RNF212B: variants seen among roughly 807,000 people sequenced by gnomAD.
The protein encoded by RNF212B is ring finger protein 212B.
In RNF212B, 52 loss-of-function variants were observed where a neutral mutation model predicts 55.5. The observed-to-expected ratio is 0.94, with a 90% CI of 0.75 to 1.18. The LOEUF (loss-of-function observed/expected upper bound fraction) is 1.18. Among genes scored for constraint, RNF212B ranks in the 50% most tolerant of loss-of-function variants. The probability of loss-of-function intolerance (pLI) is 0.00; values close to 1 mark genes in which losing one functional copy is unlikely to be tolerated. For missense variants in RNF212B, 289 were observed against 350.4 expected (o/e 0.82, Z 1.40); for synonymous variants, 99 against 121.4 (o/e 0.82, Z 1.21).
intron 2 of RNF212B, among the ~76,000 whole-genome samples, chr14:23,207,430 C>T (rs755860710): frequency 1.3e-5 from 2 of 152,174 alleles, no homozygotes; most frequent in Non-Finnish European, 2.9e-5. Flanking sequence ...AGGAGGAAAA[C>T]TTGCCTTCCT....
intron 14 of RNF212B, 73 bp from the exon 15 acceptor site, chr14:23,272,750 C>T: frequency 2.2e-6 from 2 of 901,278 alleles, no homozygotes; most frequent in Non-Finnish European, 3.6e-6. Flanking sequence ...CTTCATACAA[C>T]AGGTCAGAGA....
At chr14:23,242,122 A>AAAGAAAAAGAAG (rs1566423321) in intron 2 of RNF212B, among the ~76,000 whole-genome samples, 3 of 151,574 alleles carry the variant, frequency 2.0e-5, no homozygotes, top group Non-Finnish European at 2.9e-5. Flanking sequence ...AGAAAAAGAA[A>AAAGAAAAAGAAG]AAGAAAAACC....
chr14:23,264,509 C>T lies in RNF212B; in HGVS notation c.586-114C>T, dbSNP rs116251303. 3.4e-3 allele frequency: 2,679 copies of T among 795,622 alleles called. 67 individuals are homozygous for T. The African/African-American group carries it at 0.042, about 12-fold the overall frequency. 49.3% of individuals were successfully genotyped at this position (795,622 alleles called of 1,614,324 possible). A position where few individuals can be genotyped will look rare whatever the true frequency, so the allele number is the denominator to read the frequency against. On this transcript the variant is annotated intron_variant, in intron 10 of 14. Transcript: ENST00000430154. The stretch of plus-strand genomic sequence containing the variant: ...TATGGATCTTTCTTTGACTAGTATG[C>T]CCACTGCAGTAGAACAATATATGCT...
intron 4 of RNF212B, 100 bp from the exon 5 acceptor site, chr14:23,258,449 C>A: frequency 2.1e-6 from 1 of 468,928 alleles, no homozygotes; most frequent in South Asian, 4.5e-5. Flanking sequence ...AGAAAATGAG[C>A]AGTATAATAA....
At chr14:23,199,385 CA>C (rs1879060819) in intron 2 of RNF212B, among the ~76,000 whole-genome samples, 1 of 152,122 alleles carries the variant, frequency 6.6e-6, no homozygotes, top group Non-Finnish European at 1.5e-5. Context: ...AGGAGGCAAT[CA>C]GATATGCATC....
At chr14:23,229,245 T>TACC (rs1380580188) in intron 2 of RNF212B, among the ~76,000 whole-genome samples, 1 of 96,132 alleles carries the variant, frequency 1.0e-5, no homozygotes, top group Non-Finnish European at 2.4e-5. Flanking sequence ...TATATATATA[T>TACC]ATATATATAT....
At chr14:23,265,436 T>G (rs1164368754) in intron 11 of RNF212B, among the ~76,000 whole-genome samples, 1 of 152,238 alleles carries the variant, frequency 6.6e-6, no homozygotes, top group Non-Finnish European at 1.5e-5. Flanking sequence ...TTAAAATTAT[T>G]ACTGTTGTTA....
intron 11 of RNF212B, among the ~76,000 whole-genome samples, chr14:23,266,144 C>T (rs988782911): frequency 4.6e-5 from 7 of 151,500 alleles, no homozygotes; most frequent in Non-Finnish European, 7.4e-5. Flanking sequence ...TTTTTAGTAG[C>T]GACGGGGTTT....
upstream of RNF212B, among the ~76,000 whole-genome samples, chr14:23,235,874 T>TAACC (rs1191195173): frequency 6.6e-5 from 10 of 152,350 alleles, no homozygotes; most frequent in Non-Finnish European, 1.3e-4. Flanking sequence ...AATTTTAATG[T>TAACC]AACCGGCTAT....
At chr14:23,228,060 G>A (rs969018055) in intron 2 of RNF212B, among the ~76,000 whole-genome samples, 19 of 151,212 alleles carry the variant, frequency 1.3e-4, no homozygotes, top group African/African-American at 3.2e-4. Context: ...GAGAAACCTC[G>A]TCTCTACTAA....
rs1161935758 is a variant in RNF212B, at chr14:23,237,944, TC to T, written c.-112del. On this transcript the variant is annotated 5_prime_UTR_variant, in exon 1 of 15. Coordinates refer to ENST00000430154, the MANE Select transcript of RNF212B (RefSeq NM_001282322.3). ...CCTCGGCTGCGCCCAGCCTCTTTCC[TC>T]ACCCGGTGCCAAGCCAGCTGTTTAC... Among the ~76,000 whole-genome samples, 1 of 152,192 alleles carries T rather than the reference TC, an allele frequency of 6.6e-6. No individual in the cohort carries two copies. Among genetic ancestry groups the T allele is most frequent in the Non-Finnish European group, 1.5e-5 (1 of 68,028 alleles).
intron 1 of RNF212B, among the ~76,000 whole-genome samples, chr14:23,189,572 G>A (rs1425646823): frequency 6.6e-6 from 1 of 152,100 alleles, no homozygotes; most frequent in Non-Finnish European, 1.5e-5. Context: ...GGAGGCCAAG[G>A]CGGGAGGATC....
rs182051665 is a variant in RNF212B, at chr14:23,232,158, G to A, written c.-1-8187G>A. Among the ~76,000 whole-genome samples the A allele has an allele frequency of 3.1e-3, 476 of 152,004 alleles. 5 individuals are homozygous for A. The highest frequency in any genetic ancestry group is 0.011 in the African/African-American group (447 of 41,436). ...CCGGCTGCCCACTCTGGGAAGTGAG[G>A]AGGGCCTCTTCCCCGCCGCCATCCC... is the stretch of plus-strand genomic sequence containing the variant. On this transcript the variant is annotated intron_variant, in intron 2 of 15. Coordinates refer to the RNF212B transcript ENST00000399910.
At chr14:23,189,127 T>A (rs571214452) in intron 1 of RNF212B, among the ~76,000 whole-genome samples, 3 of 152,308 alleles carry the variant, frequency 2.0e-5, no homozygotes, top group East Asian at 3.9e-4. Flanking sequence ...AATCTTGTAG[T>A]TAACTGACCT....
chr14:23,248,736 G>A (rs1884190389), intron 4 of RNF212B, among the ~76,000 whole-genome samples: 2 of 150,716 alleles, frequency 1.3e-5, no homozygotes, highest in Admixed American at 6.6e-5. Context: ...CATCACGCCC[G>A]GCCCCCAAGC....
rs184945634 is a variant in RNF212B at position 23,222,058 on chromosome 14, C to T, written c.-1-18287C>T. Among the ~76,000 whole-genome samples, 41 of 151,994 alleles carry T rather than the reference C, an allele frequency of 2.7e-4. 1 individual carries two copies. The East Asian group carries it at 7.7e-3, about 29-fold the overall frequency. On this transcript the variant is annotated intron_variant, in intron 2 of 15. Coordinates refer to the RNF212B transcript ENST00000399910. ...AGGAAGAAGAACTTCAAACAAATAA[C>T]CTAATGATTATCTTAAAGAATTAGA...
At position 23,244,330 on chromosome 14, in the gene RNF212B, T is replaced by A. The variant is rs2140442312; in HGVS notation, c.162T>A (p.Pro54=). ...TATTGCTCTCTTCGTAGCTGAAGCC[T>A]CAGGAGAAGATGTTTTTCAAAAGTC... ...KHLALSDNLK[P]QEKMFFKSPV... Residue 54 remains proline, a synonymous_variant, in exon 4 of 15, where the codon CCT becomes CCA. Coordinates refer to ENST00000430154, the MANE Select transcript of RNF212B (RefSeq NM_001282322.3). 1 of 1,542,158 alleles carries A rather than the reference T, an allele frequency of 6.5e-7. No individual in the cohort carries two copies. The highest frequency in any genetic ancestry group is 1.4e-5 in the African/African-American group (1 of 73,008).
chr14:23,264,098 A>C (rs2140479370), intron 9 of RNF212B, 76 bp from the exon 10 acceptor site: 1 of 1,293,464 alleles, frequency 7.7e-7, no homozygotes, highest in East Asian at 2.5e-5. Flanking sequence ...AAAAAAACCA[A>C]AACAAAAAAA....
At chr14:23,190,291 T>C (rs2140354480) in intron 1 of RNF212B, among the ~76,000 whole-genome samples, 1 of 152,350 alleles carries the variant, frequency 6.6e-6, no homozygotes, top group East Asian at 1.9e-4. Context: ...AACTCTAGAA[T>C]GAGCTATCTA....
Sources: gnomAD v4.1 joint callset for allele counts (sites outside exome capture counted in the v4.1 genomes callset) on GRCh38, gnomAD v4.1.1 for gene constraint, MANE v1.5 for transcripts, NCBI Gene and HGNC (gene_info 2026-07-23, HGNC 2026-07-21) for gene names.